The following TBKBP1 variants were observed in gnomAD, a reference collection of about 807,000 sequenced individuals.
TBKBP1 encodes the protein TANK-binding kinase 1-binding protein 1.
In TBKBP1, 47 loss-of-function variants were observed where a neutral mutation model predicts 69.9. The observed-to-expected ratio is 0.67, with a 90% CI of 0.53 to 0.86. The LOEUF (loss-of-function observed/expected upper bound fraction) is 0.86. Ranked by LOEUF, TBKBP1 falls within the 40% of genes least tolerant of loss-of-function variation. The pLI, the probability that TBKBP1 is intolerant of heterozygous loss-of-function variation, is 0.00. For missense variants in TBKBP1, 831 were observed against 858.6 expected (o/e 0.97, Z 0.40); for synonymous variants, 418 against 390.3 (o/e 1.07, Z -0.84).
chr17:47,710,776 T>G lies in TBKBP1; in HGVS notation c.*150T>G. ...CTACCGAGTCAACGTGTGTGCCATC[T>G]TCCCTGGTCCAGGCACCACTCAGCT... On this transcript the variant is annotated 3_prime_UTR_variant, in exon 10 of 10. Transcript: ENST00000578982. The G allele has an allele frequency of 8.6e-7, 1 of 1,160,456 alleles. No individual in the cohort carries two copies. The allele number at this position is 1,160,456 out of a possible 1,614,324, so 71.9% of individuals were successfully genotyped here.
chr17:47,708,778 TCCCCCTCCCCGCCTGCCCGAGC>T lies in TBKBP1; in HGVS notation c.1046_1067del (p.Ser349TrpfsTer97). 3.5e-6 allele frequency: 1 copy of T among 285,244 alleles called. No homozygotes were observed. The highest frequency in any genetic ancestry group is 5.9e-6 in the Non-Finnish European group (1 of 170,468). 17.7% of individuals were successfully genotyped at this position (285,244 alleles called of 1,614,324 possible). ...CCACTCCCCGGCCCCCCAGTGCCCCTCCCCCTCCCCGCCTGCCCGAGCGGCTCCCCCGTGCCCCCCGTGCCAG... is the reference window on the plus strand; with the variant it reads ...CCACTCCCCGGCCCCCCAGTGCCCCTGGCTCCCCCGTGCCCCCCGTGCCAG... On this transcript the variant is annotated frameshift_variant, in exon 9 of 10. Transcript: ENST00000578982. LOFTEE classifies it high-confidence loss of function. The surrounding 1 kb of genome is among the most constrained non-coding windows in gnomAD (Gnocchi z 4.4).
chr17:47,708,893 C>T lies in TBKBP1; in HGVS notation c.1160C>T (p.Ala387Val), dbSNP rs1332546979. 3 of 1,401,544 alleles carry T rather than the reference C, an allele frequency of 2.1e-6. No homozygotes were observed. The highest frequency in any genetic ancestry group is 2.8e-6 in the Non-Finnish European group (3 of 1,080,546). The allele number at this position is 1,401,544 out of a possible 1,614,324, so 86.8% of individuals were successfully genotyped here. Residue 387 changes from alanine (A) to valine (V), a missense_variant, in exon 9 of 10, where the codon GCC (alanine) becomes GTC (valine). Transcript: ENST00000578982. This position sits in a 1 kb window ranked among gnomAD's most constrained non-coding sequence, Gnocchi z 4.4. ...CPSPQQRRSP[A>V]SPSCPSPVPQ... Reference sequence around the variant, plus strand: ...TCGCCGCAGCAGCGCCGCTCTCCGGCCTCACCCTCCTGCCCGTCGCCCGTC... The same window carrying T: ...TCGCCGCAGCAGCGCCGCTCTCCGGTCTCACCCTCCTGCCCGTCGCCCGTC...
intron 1 of TBKBP1, chr17:47,695,774 A>C (rs2031203142): frequency 4.0e-6 from 1 of 249,528 alleles, no homozygotes; most frequent in Admixed American, 5.0e-5. Context: ...GCCCTCTCCC[A>C]TCCACAGGTC....
intron 4 of TBKBP1, 69 bp from the exon 5 acceptor site, chr17:47,698,526 G>GGGT: frequency 6.9e-7 from 1 of 1,456,444 alleles, no homozygotes; most frequent in Non-Finnish European, 9.2e-7. Flanking sequence ...TGTAGTCTGG[G>GGGT]GTGATGACTC....
intron 7 of TBKBP1, among the ~76,000 whole-genome samples, chr17:47,705,517 G>T (rs1389477941): frequency 1.3e-5 from 2 of 152,198 alleles, no homozygotes; most frequent in African/African-American, 4.8e-5. Context: ...CAATAAAGCA[G>T]CATCCAAATG....
chr17:47,698,611 C>T lies in TBKBP1; in HGVS notation c.470C>T (p.Thr157Met), dbSNP rs202103128. 67 of 1,594,136 alleles carry T rather than the reference C, an allele frequency of 4.2e-5. No homozygotes were observed. The highest frequency in any genetic ancestry group is 2.7e-4 in the East Asian group (12 of 43,816). The change falls in exon 5 of 10, where the codon ACG becomes ATG. Residue 157 changes from threonine to methionine, a missense_variant. By Grantham distance (81) the Thr-to-Met change is moderately conservative. Coordinates refer to ENST00000578982, the MANE Select transcript of TBKBP1 (RefSeq NM_001394755.1). ...TCTCTCCAGAGGGCCCTGGTGGAGA[C>T]GCACCTGCGTCAGATCTGTGGTTTG... ...ELREMRALVE[T>M]HLRQICGLEQ...
At chr17:47,706,867 ACACG>A (rs1555623217) in intron 7 of TBKBP1, among the ~76,000 whole-genome samples, 64 of 148,914 alleles carry the variant, frequency 4.3e-4, no homozygotes, top group African/African-American at 1.6e-3. Context: ...ACACACACAC[ACACG>A]CACACACCCC....
At chr17:47,705,194 T>C (rs2143326386) in intron 7 of TBKBP1, among the ~76,000 whole-genome samples, 1 of 152,276 alleles carries the variant, frequency 6.6e-6, no homozygotes, top group South Asian at 2.1e-4. Flanking sequence ...TCCCGCTTCT[T>C]TGGGGGACGT....
intron 5 of TBKBP1, among the ~76,000 whole-genome samples, 166 bp from the exon 6 acceptor site, chr17:47,699,154 G>A (rs546369517): frequency 1.5e-4 from 23 of 152,284 alleles, no homozygotes; most frequent in African/African-American, 5.1e-4. Context: ...TTAGAAATGC[G>A]GCTCAGCCCA....
Position 47,708,929 on chromosome 17 carries a change from G to A in TBKBP1, c.1196G>A (p.Arg399His), listed in dbSNP as rs1273740819. 18 of 1,282,352 alleles carry A rather than the reference G, an allele frequency of 1.4e-5. No homozygotes were observed. Among genetic ancestry groups the A allele is most frequent in the Non-Finnish European group, 1.7e-5 (17 of 1,009,060 alleles). The allele number at this position is 1,282,352 out of a possible 1,614,324, so 79.4% of individuals were successfully genotyped here. A position where few individuals can be genotyped will look rare whatever the true frequency, so the allele number is the denominator to read the frequency against. The stretch of plus-strand genomic sequence containing the variant: ...TGCCCGTCGCCCGTCCCGCAGCGCC[G>A]CTCGCCGGTGCCGCCGTCGTGCCAG... ...PSCPSPVPQRRSPVPPSCQSP... is the reference protein window; with the variant it reads ...PSCPSPVPQRHSPVPPSCQSP... Residue 399 changes from arginine (R) to histidine (H), a missense_variant, in exon 9 of 10, where the codon CGC becomes CAC. Arg to His is a conservative substitution (Grantham distance 29). Coordinates refer to ENST00000578982, the MANE Select transcript of TBKBP1 (RefSeq NM_001394755.1). This position sits in a 1 kb window ranked among gnomAD's most constrained non-coding sequence, Gnocchi z 4.4.
chr17:47,699,769 G>GGTGTCT, intron 7 of TBKBP1, 72 bp downstream of exon 7: 1 of 1,575,302 alleles, frequency 6.3e-7, no homozygotes, highest in African/African-American at 1.3e-5. Flanking sequence ...TCAGGGGTGT[G>GGTGTCT]GTGTCTGGGC....
intron 7 of TBKBP1, 124 bp downstream of exon 7, chr17:47,699,821 G>T: frequency 3.6e-6 from 4 of 1,112,850 alleles, no homozygotes; most frequent in Admixed American, 4.5e-5. Flanking sequence ...AGGAGGTGGG[G>T]TTCTTTTTTT....
chr17:47,694,977 A>G (rs958647221), intron 1 of TBKBP1, among the ~76,000 whole-genome samples: 4 of 151,100 alleles, frequency 2.6e-5, no homozygotes, highest in Non-Finnish European at 5.9e-5. Context: ...CGCTGTCTGA[A>G]CTCACAGCTC....
At chr17:47,695,014 A>G (rs1460998661) in intron 1 of TBKBP1, among the ~76,000 whole-genome samples, 1 of 151,352 alleles carries the variant, frequency 6.6e-6, no homozygotes, top group African/African-American at 2.4e-5. Context: ...TCCGGGGTGC[A>G]CATAACGCTC....
chr17:47,710,914 C>T lies in TBKBP1; in HGVS notation c.*288C>T, dbSNP rs1408105180. 9.8e-6 allele frequency: 3 copies of T among 306,446 alleles called. No individual in the cohort carries two copies. The highest frequency in any genetic ancestry group is 6.4e-5 in the African/African-American group (3 of 46,556). 19.0% of individuals were successfully genotyped at this position (306,446 alleles called of 1,614,324 possible). ...GCATACCCCTCCCAGGCCTCTCCCT[C>T]TGCCTTTCTGTTCTTAATCAGGGTT... On this transcript the variant is annotated 3_prime_UTR_variant, in exon 10 of 10. Coordinates refer to ENST00000578982, the MANE Select transcript of TBKBP1 (RefSeq NM_001394755.1).
rs1005907730 is a variant in TBKBP1, at chr17:47,710,514, T to A, written c.1736T>A (p.Val579Glu). 6.2e-7 allele frequency: 1 copy of A among 1,610,934 alleles called. No homozygotes were observed. The highest frequency in any genetic ancestry group is 2.2e-5 in the East Asian group (1 of 44,780). ...TCTCGACAGTTGCTGATGGAGACGG[T>A]GGGCTCCGACATCCGCAGCTGCCCC... is the stretch of plus-strand genomic sequence containing the variant. ...WPSINLLMET[V>E]GSDIRSCPLC... Residue 579 changes from valine (V) to glutamate (E), a missense_variant, in exon 10 of 10, where the codon GTG (valine) becomes GAG (glutamate). Val to Glu is a moderately radical substitution (Grantham distance 121). Transcript: ENST00000578982.
At position 47,698,706 on chromosome 17, in the gene TBKBP1, C is replaced by G. The variant is rs201538952; in HGVS notation, c.565C>G (p.Pro189Ala). 8,852 of 1,607,346 alleles carry G rather than the reference C, an allele frequency of 5.5e-3. 115 individuals carry two copies. Among genetic ancestry groups the G allele is most frequent in the South Asian group, 0.037 (3,338 of 89,538 alleles). Reference protein sequence around the residue: ...AFSNLSPPPAPAPPCTDLDLH... With the variant: ...AFSNLSPPPAAAPPCTDLDLH... ...CTCCAACCTGAGCCCACCGCCAGCC[C>G]CCGCCCCTCCCTGCACTGATTTAGA... Residue 189 changes from proline (P) to alanine (A), a missense_variant, in exon 5 of 10, where the codon CCC becomes GCC. Coordinates refer to ENST00000578982, the MANE Select transcript of TBKBP1 (RefSeq NM_001394755.1).
At chr17:47,704,268 G>A (rs1415392426) in intron 7 of TBKBP1, among the ~76,000 whole-genome samples, 1 of 152,206 alleles carries the variant, frequency 6.6e-6, no homozygotes, top group Non-Finnish European at 1.5e-5. Context: ...CAGGCTCTGG[G>A]GACCCCACCA....
chr17:47,709,293 G>A lies in TBKBP1; in HGVS notation c.1560G>A (p.Pro520=), dbSNP rs1313731495. ...TCCGGCTGCGCTTCGAGAAGCAGCC[G>A]TCGGAGGAGGACGAGTGGGCTGTGC... The part of the protein sequence containing the change: ...EGIRLRFEKQ[P]SEEDEWAVPT... Residue 520 remains proline, a synonymous_variant, in exon 9 of 10, where the codon CCG becomes CCA. Coordinates refer to ENST00000578982, the MANE Select transcript of TBKBP1 (RefSeq NM_001394755.1). 1.8e-5 allele frequency: 28 copies of A among 1,528,088 alleles called. No homozygotes were observed. Among genetic ancestry groups the A allele is most frequent in the Non-Finnish European group, 2.4e-5 (27 of 1,145,364 alleles). 94.7% of individuals were successfully genotyped at this position (1,528,088 alleles called of 1,614,324 possible).
Sources: gnomAD v4.1 joint callset for allele counts (sites outside exome capture counted in the v4.1 genomes callset) on GRCh38, gnomAD v4.1.1 for gene constraint, Gnocchi (gnomAD v3.1) non-coding constraint, MANE v1.5 for transcripts, NCBI Gene and HGNC (gene_info 2026-07-23, HGNC 2026-07-21) for gene names.